The following PHF14 variants were observed in gnomAD, a reference collection of about 807,000 sequenced individuals.
PHF14 encodes PHD finger protein 14.
In PHF14, 55 loss-of-function variants were observed where a neutral mutation model predicts 117.9. The ratio of observed to expected loss-of-function variants is 0.47; its 90% CI spans 0.38 to 0.58. The LOEUF is 0.58. Ranked by LOEUF, PHF14 falls within the 20% of genes least tolerant of loss-of-function variation. The pLI is 0.00. For synonymous variants in PHF14, 409 were observed against 368.6 expected (o/e 1.11, Z -1.26); for missense variants, 978 against 1,122.2 (o/e 0.87, Z 1.84).
At chr7:11,134,948 A>G (rs1014760378) in intron 17 of PHF14, among the ~76,000 whole-genome samples, 22 of 152,086 alleles carry the variant, frequency 1.4e-4, no homozygotes, top group Non-Finnish European at 1.5e-5. Flanking sequence ...TTGCACATAA[A>G]CATGCTGATA....
intron 5 of PHF14, among the ~76,000 whole-genome samples, chr7:11,017,431 A>G (rs958972489): frequency 3.9e-5 from 6 of 152,078 alleles, no homozygotes; most frequent in African/African-American, 9.7e-5. Flanking sequence ...GATATAAGCT[A>G]TTTTAACTGG....
chr7:10,974,903 G>C lies in PHF14; in HGVS notation c.70G>C (p.Asp24His). ...TTCTCTGCTGGAAGCTCTTGATTATGATAGTTCAGATGACAGTGATTTTAA... is the reference window on the plus strand; with the variant it reads ...TTCTCTGCTGGAAGCTCTTGATTATCATAGTTCAGATGACAGTGATTTTAA... ...AASLLEALDYDSSDDSDFKVG... is the reference protein window; with the variant it reads ...AASLLEALDYHSSDDSDFKVG... The change falls in exon 2 of 18, where the codon GAT becomes CAT. Residue 24 changes from aspartate to histidine, a missense_variant. This residue lies in a region of PHF14 where 414 missense variants were observed against 376.4 expected (regional missense o/e 1.10). Transcript: ENST00000634607. 1 of 1,588,192 alleles carries C rather than the reference G, an allele frequency of 6.3e-7. No homozygotes were observed. The highest frequency in any genetic ancestry group is 8.6e-7 in the Non-Finnish European group (1 of 1,164,442).
chr7:11,033,447 C>A (rs922917579), intron 7 of PHF14, among the ~76,000 whole-genome samples: 1 of 152,104 alleles, frequency 6.6e-6, no homozygotes, highest in Non-Finnish European at 1.5e-5. Context: ...TAAGAGTAGG[C>A]AGCTTCCTTT....
intron 5 of PHF14, among the ~76,000 whole-genome samples, chr7:11,022,194 G>C (rs1055564593): frequency 1.6e-4 from 25 of 152,130 alleles, no homozygotes; most frequent in Non-Finnish European, 2.8e-4. Flanking sequence ...TAGTCTTATA[G>C]CATCATTCAA....
intron 16 of PHF14, among the ~76,000 whole-genome samples, chr7:11,096,109 G>A (rs1786851030): frequency 6.6e-6 from 1 of 151,836 alleles, no homozygotes; most frequent in African/African-American, 2.4e-5. Context: ...TTAATCACAT[G>A]GTTTTCCCAG....
chr7:11,089,095 TAA>T (rs76206106), intron 16 of PHF14, among the ~76,000 whole-genome samples: 1,430 of 138,708 alleles, frequency 0.01, 19 homozygotes, highest in African/African-American at 0.035. Context: ...TAATTAGATA[TAA>T]AAAAAAAAAA....
intron 16 of PHF14, chr7:11,105,006 AT>A (rs1166951465): frequency 4.1e-5 from 37 of 892,312 alleles, no homozygotes; most frequent in East Asian, 1.2e-4. Flanking sequence ...AACACATACA[AT>A]TTTTTTTAAT....
intron 14 of PHF14, chr7:11,061,290 TTGGATA>T (rs1470619613): frequency 6.6e-6 from 1 of 152,234 alleles, no homozygotes; most frequent in Non-Finnish European, 1.5e-5. Context: ...AACTAGGATT[TTGGATA>T]TGTGAGAACT....
chr7:11,152,976 G>A (rs563798932), intron 17 of PHF14, among the ~76,000 whole-genome samples: 22 of 152,276 alleles, frequency 1.4e-4, no homozygotes, highest in Non-Finnish European at 2.5e-4. Context: ...CAGTGAGGCC[G>A]GAAAGGTCAG....
chr7:11,156,560 C>T (rs1424371645), intron 17 of PHF14, among the ~76,000 whole-genome samples: 2 of 152,154 alleles, frequency 1.3e-5, no homozygotes, highest in East Asian at 1.9e-4. Context: ...TGTGGGAGGC[C>T]GAGGCGGCGG....
chr7:11,081,867 A>AT (rs1203187985), intron 16 of PHF14, among the ~76,000 whole-genome samples: 19 of 146,848 alleles, frequency 1.3e-4, no homozygotes, highest in Non-Finnish European at 2.4e-4. Flanking sequence ...AAAAAAAAAA[A>AT]AGAGATTTAT....
At chr7:11,014,096 C>T (rs1012383280) in intron 5 of PHF14, among the ~76,000 whole-genome samples, 190 bp downstream of exon 5, 5 of 152,154 alleles carry the variant, frequency 3.3e-5, no homozygotes, top group African/African-American at 9.7e-5. Context: ...TGAGTACCTG[C>T]ATTTGCCTTT....
intron 16 of PHF14, chr7:11,063,595 A>ATTT: frequency 6.7e-6 from 5 of 749,408 alleles, no homozygotes; most frequent in Non-Finnish European, 8.1e-6. Context: ...TGTCTTACTA[A>ATTT]TTTTTTTTTT....
intron 16 of PHF14, among the ~76,000 whole-genome samples, chr7:11,072,411 A>G (rs1785643825): frequency 6.6e-6 from 1 of 152,190 alleles, no homozygotes; most frequent in Admixed American, 6.5e-5. Context: ...ATTCAACATG[A>G]GATTTGAGTG....
intron 16 of PHF14, among the ~76,000 whole-genome samples, chr7:11,081,558 G>A (rs982823554): frequency 1.3e-5 from 2 of 152,050 alleles, no homozygotes; most frequent in African/African-American, 2.4e-5. Context: ...AGTTAGAATC[G>A]TCCCATATTT....
chr7:11,039,800 G>A (rs1784442500), intron 11 of PHF14, among the ~76,000 whole-genome samples: 1 of 152,138 alleles, frequency 6.6e-6, no homozygotes, highest in Admixed American at 6.5e-5. Context: ...TTTAAAAGGT[G>A]AGAATTAGTA....
chr7:11,121,356 A>C (rs1787748256), intron 17 of PHF14, among the ~76,000 whole-genome samples: 1 of 152,214 alleles, frequency 6.6e-6, no homozygotes, highest in Admixed American at 6.5e-5. Flanking sequence ...GCATTTATGC[A>C]AAAGAAAACC....
intron 17 of PHF14, among the ~76,000 whole-genome samples, chr7:11,162,818 C>T (rs368919839): frequency 2.0e-5 from 3 of 151,648 alleles, no homozygotes; most frequent in South Asian, 2.1e-4. Flanking sequence ...CCCGAGTGGC[C>T]GGGATTACAG....
chr7:11,107,214 AGT>A, intron 16 of PHF14: 1 of 984,198 alleles, frequency 1.0e-6, no homozygotes. Flanking sequence ...TATTCTCAAT[AGT>A]CAGGTAAACA....
Sources: gnomAD v4.1 joint callset for allele counts (sites outside exome capture counted in the v4.1 genomes callset) on GRCh38, gnomAD v4.1.1 for gene constraint, gnomAD v4.1.1 regional missense constraint, MANE v1.5 for transcripts, NCBI Gene and HGNC (gene_info 2026-07-23, HGNC 2026-07-21) for gene names.